ZFYVE26: variants seen among roughly 807,000 people sequenced by gnomAD.
ZFYVE26 encodes zinc finger FYVE domain-containing protein 26.
Under a neutral mutation model 276.5 loss-of-function variants are expected in ZFYVE26, and 181 were observed. The ratio of observed to expected loss-of-function variants is 0.65; its 90% CI spans 0.58 to 0.74. ZFYVE26 has a LOEUF of 0.74. Among genes scored for constraint, ZFYVE26 ranks in the 30% least tolerant of loss-of-function variants. ZFYVE26 has a pLI of 0.00. For missense variants in ZFYVE26, 2,821 were observed against 3,097.9 expected (o/e 0.91, Z 2.12); for synonymous variants, 1,129 against 1,203.1 (o/e 0.94, Z 1.27).
intron 27 of ZFYVE26, among the ~76,000 whole-genome samples, chr14:67,774,333 T>C (rs946501971): frequency 6.6e-6 from 1 of 152,232 alleles, no homozygotes; most frequent in South Asian, 2.1e-4. Flanking sequence ...ACCCCATCTC[T>C]ACTAAAAACA....
At chr14:67,815,070 A>T (rs1004181119) in intron 2 of ZFYVE26, among the ~76,000 whole-genome samples, 1 of 152,244 alleles carries the variant, frequency 6.6e-6, no homozygotes, top group Non-Finnish European at 1.5e-5. Flanking sequence ...GTATAAATAC[A>T]AAGAGGTAGC....
intron 39 of ZFYVE26, 102 bp from the exon 40 acceptor site, chr14:67,752,628 C>T (rs1295651677): frequency 4.8e-6 from 6 of 1,254,516 alleles, no homozygotes; most frequent in Non-Finnish European, 6.9e-6. Flanking sequence ...GTAGATAAGC[C>T]ATATTGATTG....
chr14:67,815,659 T>C, intron 2 of ZFYVE26, 111 bp downstream of exon 2: 1 of 1,049,532 alleles, frequency 9.5e-7, no homozygotes, highest in Non-Finnish European at 1.5e-6. Context: ...ACACTGTGCC[T>C]CTGCTTATTC....
At chr14:67,781,185 G>T in intron 22 of ZFYVE26, 148 bp downstream of exon 22, 1 of 862,232 alleles carries the variant, frequency 1.2e-6, no homozygotes, top group Non-Finnish European at 1.9e-6. Flanking sequence ...AGGCCTCCCT[G>T]CTGTTCACCT....
At position 67,748,597 on chromosome 14, in the gene ZFYVE26, A is replaced by G. The variant is rs763370008; in HGVS notation, c.7459T>C (p.Leu2487=). 1.2e-6 allele frequency: 2 copies of G among 1,614,170 alleles called. No homozygotes were observed. The highest frequency in any genetic ancestry group is 3.3e-5 in the Admixed American group (2 of 60,030). The change falls in exon 42 of 42, where the codon TTG becomes CTG. Residue 2487 remains leucine, a synonymous_variant. Coordinates refer to ENST00000347230, the MANE Select transcript of ZFYVE26 (RefSeq NM_015346.4). ...GAGTGTTCTTGCTTCACAGCAATCA[A>G]GTAGGCAGAACGCAGTTTGCAACAT... ...LICCKLRSAY[L]IAVKQEHSRA...
intron 35 of ZFYVE26, among the ~76,000 whole-genome samples, chr14:67,759,418 T>C (rs7159464): frequency 6.6e-6 from 1 of 151,976 alleles, no homozygotes; most frequent in Non-Finnish European, 1.5e-5. Context: ...AAGGTCAAGA[T>C]ATCGAGACCA....
At chr14:67,784,274 G>T in intron 20 of ZFYVE26, 60 bp downstream of exon 20, 1 of 1,420,430 alleles carries the variant, frequency 7.0e-7, no homozygotes, top group Non-Finnish European at 1.0e-6. Context: ...CTGAGCCCTT[G>T]GCTATATTGA....
rs2038234886 is a variant in ZFYVE26, at chr14:67,729,283, T to C, written n.3216A>G. 14 of 1,605,048 alleles carry C rather than the reference T, an allele frequency of 8.7e-6. No homozygotes were observed. Among genetic ancestry groups the C allele is most frequent in the Non-Finnish European group, 1.2e-5 (14 of 1,179,966 alleles). On this transcript the variant is annotated non_coding_transcript_exon_variant, in exon 14 of 15. Coordinates refer to the ZFYVE26 transcript ENST00000394455. Reference sequence around the variant, plus strand: ...CCTGCTCTGCCTGCTCTGGCGGCTCTTCTCCCCCTTTGTCAAGACGGCACG... The same window carrying C: ...CCTGCTCTGCCTGCTCTGGCGGCTCCTCTCCCCCTTTGTCAAGACGGCACG...
At position 67,777,566 on chromosome 14, in the gene ZFYVE26, C is replaced by T; in HGVS notation, c.4967G>A (p.Gly1656Glu). 6.2e-7 allele frequency: 1 copy of T among 1,613,850 alleles called. No individual in the cohort carries two copies. Among genetic ancestry groups the T allele is most frequent in the Non-Finnish European group, 8.5e-7 (1 of 1,179,998 alleles). The change falls in exon 25 of 42, where the codon GGA becomes GAA. Residue 1656 changes from glycine (G) to glutamate (E), a missense_variant. Physicochemically the swap from Gly to Glu is moderately conservative, Grantham distance 98. Transcript: ENST00000347230. ...TTCACGGTGTATCCTTACCTTGGATCCCACATACAGCGCCTGGATTTCACG... is the reference window on the plus strand; with the variant it reads ...TTCACGGTGTATCCTTACCTTGGATTCCACATACAGCGCCTGGATTTCACG... The part of the protein sequence containing the change: ...RHREIQALYV[G>E]SKILLTLPEQ...
chr14:67,734,119 C>T lies in ZFYVE26; in HGVS notation n.2680-4300G>A, dbSNP rs114660860. The T allele has an allele frequency of 1.2e-3, 415 of 351,976 alleles. 2 individuals carry two copies. The highest frequency in any genetic ancestry group is 8.1e-3 in the African/African-American group (384 of 47,426). 21.8% of individuals were successfully genotyped at this position (351,976 alleles called of 1,614,324 possible). A position where few individuals can be genotyped will look rare whatever the true frequency, so the allele number is the denominator to read the frequency against. On this transcript the variant is annotated intron_variant and non_coding_transcript_variant, in intron 13 of 14. Coordinates refer to the ZFYVE26 transcript ENST00000394455. ...TGGGGGCAGCAGGACTGGGCAGATC[C>T]CAGGCTGGGCATGGGGGTGGCAGAA...
chr14:67,783,006 C>A lies in ZFYVE26; in HGVS notation c.4146G>T (p.Gln1382His). Residue 1382 changes from glutamine to histidine, a missense_variant, in exon 21 of 42, where the codon CAG (glutamine) becomes CAT (histidine). Gln to His is a conservative substitution (Grantham distance 24). Transcript: ENST00000347230. ...AAWEPLRGSL[Q>H]QGQSLAVNLC... Reference sequence around the variant, plus strand: ...GATTCACTGCCAGACTCTGCCCCTGCTGCAAAGACCCTCGCAGGGGCTCCC... The same window carrying A: ...GATTCACTGCCAGACTCTGCCCCTGATGCAAAGACCCTCGCAGGGGCTCCC... The A allele has an allele frequency of 6.2e-7, 1 of 1,614,202 alleles. No homozygotes were observed. Among genetic ancestry groups the A allele is most frequent in the Non-Finnish European group, 8.5e-7 (1 of 1,180,032 alleles).
chr14:67,808,874 A>G (rs1566898815), intron 4 of ZFYVE26, among the ~76,000 whole-genome samples: 1 of 152,200 alleles, frequency 6.6e-6, no homozygotes, highest in Non-Finnish European at 1.5e-5. Context: ...TGTTATGAGA[A>G]TTAACTCTAA....
intron 13 of ZFYVE26, among the ~76,000 whole-genome samples, chr14:67,730,369 G>A (rs1029654676): frequency 6.6e-6 from 1 of 152,126 alleles, no homozygotes; most frequent in Non-Finnish European, 1.5e-5. Context: ...CACTGTAAGT[G>A]TACAGTGCAT....
chr14:67,773,276 G>T (rs2140208935), intron 27 of ZFYVE26, among the ~76,000 whole-genome samples: 1 of 151,938 alleles, frequency 6.6e-6, no homozygotes, highest in African/African-American at 2.4e-5. Flanking sequence ...CATATAGGCT[G>T]GGTGCAGATT....
chr14:67,768,413 A>G, intron 30 of ZFYVE26, 104 bp downstream of exon 30: 1 of 1,277,868 alleles, frequency 7.8e-7, no homozygotes, highest in Non-Finnish European at 1.1e-6. Context: ...AGTTGGATGG[A>G]GTGCATAAGT....
chr14:67,764,370 T>C (rs1272851028), intron 32 of ZFYVE26, among the ~76,000 whole-genome samples: 1 of 151,974 alleles, frequency 6.6e-6, no homozygotes, highest in Admixed American at 6.6e-5. Flanking sequence ...ATGAAAACAT[T>C]TGTAGTAGGT....
chr14:67,799,450 G>A, intron 10 of ZFYVE26: 1 of 1,611,936 alleles, frequency 6.2e-7, no homozygotes, highest in Non-Finnish European at 8.5e-7. Context: ...AGGAGTTGGG[G>A]CTTGATGAAG....
At chr14:67,794,139 T>C in intron 13 of ZFYVE26, 32 bp downstream of exon 13, 1 of 1,609,952 alleles carries the variant, frequency 6.2e-7, no homozygotes, top group Non-Finnish European at 8.5e-7. Flanking sequence ...GCAAAGCTGC[T>C]CAAAGTTGGC....
Position 67,729,379 on chromosome 14 carries a change from A to G in ZFYVE26, n.3120T>C. 1 of 1,597,258 alleles carries G rather than the reference A, an allele frequency of 6.3e-7. No homozygotes were observed. Among genetic ancestry groups the G allele is most frequent in the Non-Finnish European group, 8.5e-7 (1 of 1,179,718 alleles). On this transcript the variant is annotated non_coding_transcript_exon_variant, in exon 14 of 15. Coordinates refer to the ZFYVE26 transcript ENST00000394455. ...GGAGCCCCTGAGTGGCAAGTACTTCAGGTGTGTGAAGGCAATGCGGTTCTC... is the reference window on the plus strand; with the variant it reads ...GGAGCCCCTGAGTGGCAAGTACTTCGGGTGTGTGAAGGCAATGCGGTTCTC...
Sources: allele counts gnomAD v4.1 joint callset (sites outside exome capture counted in the v4.1 genomes callset), GRCh38; gene constraint gnomAD v4.1.1; transcripts MANE v1.5; gene names NCBI Gene and HGNC (gene_info 2026-07-23, HGNC 2026-07-21).